Variants in PRDM2 observed in about 807,000 individuals in gnomAD.
PRDM2 encodes PR domain zinc finger protein 2.
Under a neutral mutation model 130.0 loss-of-function variants are expected in PRDM2, and 30 were observed. The ratio of observed to expected loss-of-function variants is 0.23; its 90% confidence interval spans 0.17 to 0.31. The LOEUF is 0.31. Ranked by LOEUF, PRDM2 falls within the 10% of genes least tolerant of loss-of-function variation. PRDM2 has a pLI of 1.00. For missense variants in PRDM2, 2,011 were observed against 2,108.4 expected (o/e 0.95, Z 0.90); for synonymous variants, 871 against 782.4 (o/e 1.11, Z -1.89).
chr1:13,762,342 A>T (rs1321376861), intron 6 of PRDM2, among the ~76,000 whole-genome samples: 1 of 152,236 alleles, frequency 6.6e-6, no homozygotes, highest in Non-Finnish European at 1.5e-5. Flanking sequence ...ACTTACCTTG[A>T]GGACCTACTA....
rs1039031111 is a variant in PRDM2, at chr1:13,782,059, T to C, written c.4264T>C (p.Leu1422=). The C allele has an allele frequency of 1.9e-6, 3 of 1,613,872 alleles. No homozygotes were observed. Among genetic ancestry groups the C allele is most frequent in the African/African-American group, 2.7e-5 (2 of 74,864 alleles). Residue 1422 remains leucine, a synonymous_variant, in exon 8 of 10, where the codon TTG becomes CTG. Transcript: ENST00000311066. The part of the protein sequence containing the change: ...MSSNKLKLNA[L]KKKNQLVQKA... ...GTCGAATAAGCTCAAATTAAATGCA[T>C]TGAAGAAAAAAAATCAGCTAGTACA... is the stretch of plus-strand genomic sequence containing the variant.
chr1:13,727,702 G>A (rs772211274), intron 2 of PRDM2, among the ~76,000 whole-genome samples: 2 of 152,186 alleles, frequency 1.3e-5, no homozygotes, highest in Non-Finnish European at 2.9e-5. Flanking sequence ...TGAGGCAAGC[G>A]TGCTGCCTAG....
intron 6 of PRDM2, among the ~76,000 whole-genome samples, chr1:13,764,404 T>C (rs1229101429): frequency 6.6e-6 from 1 of 152,186 alleles, no homozygotes; most frequent in Non-Finnish European, 1.5e-5. Context: ...CAGCATCTTG[T>C]TTATATTTAA....
At chr1:13,822,326 C>T (rs1000796280) in intron 9 of PRDM2, among the ~76,000 whole-genome samples, 3 of 152,114 alleles carry the variant, frequency 2.0e-5, no homozygotes, top group Non-Finnish European at 4.4e-5. Flanking sequence ...ACTCACATGG[C>T]ACCAAACTGG....
intron 8 of PRDM2, among the ~76,000 whole-genome samples, chr1:13,815,918 A>G (rs1439138282): frequency 6.6e-6 from 1 of 152,202 alleles, no homozygotes; most frequent in African/African-American, 2.4e-5. Flanking sequence ...AGCTGCCTCC[A>G]TTCCCCACAA....
intron 8 of PRDM2, among the ~76,000 whole-genome samples, chr1:13,783,663 G>T (rs115673334): frequency 1.8e-4 from 28 of 152,272 alleles, no homozygotes; most frequent in African/African-American, 6.3e-4. Flanking sequence ...AGAGGGCAGC[G>T]GTTAAATTTG....
chr1:13,786,837 GT>G, intron 8 of PRDM2: 6 of 1,145,652 alleles, frequency 5.2e-6, no homozygotes, highest in South Asian at 6.9e-5. Flanking sequence ...CATGGCCCTT[GT>G]TTTTGGCACG....
intron 7 of PRDM2, among the ~76,000 whole-genome samples, chr1:13,773,945 A>C (rs754298911): frequency 1.7e-4 from 26 of 152,248 alleles, no homozygotes; most frequent in Non-Finnish European, 3.2e-4. Context: ...TACGTTTTAT[A>C]CTTCAAATTA....
At position 13,781,426 on chromosome 1, in the gene PRDM2, C is replaced by T; in HGVS notation, c.3631C>T (p.Arg1211Ter). The part of the protein sequence containing the change: ...AFLCNLQQHQ[R>*]DLHPDKVCTH... ...TTTGTGCAATTTGCAGCAGCACCAGCGAGATCTCCACCCAGATAAGGTGTG... is the reference window on the plus strand; with the variant it reads ...TTTGTGCAATTTGCAGCAGCACCAGTGAGATCTCCACCCAGATAAGGTGTG... The change falls in exon 8 of 10, where the codon CGA becomes TGA. Residue 1211 changes from arginine (R) to a stop codon, truncating the protein, a stop_gained. Transcript: ENST00000311066. LOFTEE classifies it high-confidence loss of function. This position sits in a 1 kb window ranked among gnomAD's most constrained non-coding sequence, Gnocchi z 6.1. 6.2e-7 allele frequency: 1 copy of T among 1,614,008 alleles called. No individual in the cohort carries two copies. Among genetic ancestry groups the T allele is most frequent in the Non-Finnish European group, 8.5e-7 (1 of 1,180,036 alleles).
intron 8 of PRDM2, among the ~76,000 whole-genome samples, chr1:13,794,983 C>T (rs1334525026): frequency 6.6e-6 from 1 of 152,220 alleles, no homozygotes. Context: ...ATAGCAGATG[C>T]TCCCACCCAT....
chr1:13,808,442 C>G (rs1001204431), intron 8 of PRDM2, among the ~76,000 whole-genome samples: 7 of 134,594 alleles, frequency 5.2e-5, no homozygotes, highest in Non-Finnish European at 9.1e-5. Context: ...CCAGCCTGGG[C>G]GACAGAGTGA....
intron 5 of PRDM2, among the ~76,000 whole-genome samples, chr1:13,746,014 T>C (rs941487545): frequency 2.0e-5 from 3 of 152,202 alleles, no homozygotes; most frequent in Non-Finnish European, 4.4e-5. Flanking sequence ...TTTTCTAATA[T>C]TCCTTACCCA....
chr1:13,753,344 G>A (rs1014216322), intron 6 of PRDM2, among the ~76,000 whole-genome samples: 3 of 152,188 alleles, frequency 2.0e-5, no homozygotes, highest in South Asian at 2.1e-4. Flanking sequence ...CCTAAAAACC[G>A]TCAGTAGTGC....
In PRDM2 at chr1:13,780,092, C is replaced by T. The variant is rs1490787237; in HGVS notation, c.2297C>T (p.Ala766Val). Residue 766 changes from alanine (A) to valine (V), a missense_variant, in exon 8 of 10, where the codon GCC (alanine) becomes GTC (valine). Ala to Val is a moderately conservative substitution (Grantham distance 64). This residue lies in a region of PRDM2 where 1,288 missense variants were observed against 1,237.7 expected (regional missense o/e 1.04). Transcript: ENST00000311066. ...PSDGKAAWTD[A>V]GLTSKKSKLE... ...GATGGGAAAGCAGCATGGACCGATG[C>T]CGGGCTGACTTCCAAAAAATCCAAA... The T allele has an allele frequency of 4.3e-6, 7 of 1,613,172 alleles. No individual in the cohort carries two copies. In the Admixed American group the frequency reaches 1.2e-4, roughly 27 times the overall value.
At chr1:13,777,630 C>T (rs1158016529) in intron 7 of PRDM2, among the ~76,000 whole-genome samples, 2 of 12,210 alleles carry the variant, frequency 1.6e-4, no homozygotes, top group Non-Finnish European at 3.1e-4. Flanking sequence ...AGGGCTCCTC[C>T]TCCCACCCCC....
intron 6 of PRDM2, among the ~76,000 whole-genome samples, chr1:13,759,864 T>C (rs931552457): frequency 2.6e-5 from 4 of 152,192 alleles, no homozygotes; most frequent in African/African-American, 9.7e-5. Context: ...TCAATAATAA[T>C]AATAAATATC....
chr1:13,732,690 A>T, intron 3 of PRDM2, 89 bp from the exon 4 acceptor site: 1 of 921,146 alleles, frequency 1.1e-6, no homozygotes, highest in Non-Finnish European at 1.6e-6. Context: ...CTAGCCTTTT[A>T]ACTGTTTTGT....
chr1:13,821,571 T>TC (rs1645352609), intron 9 of PRDM2, among the ~76,000 whole-genome samples: 1 of 152,034 alleles, frequency 6.6e-6, no homozygotes, highest in African/African-American at 2.4e-5. Context: ...CAAGGGATTC[T>TC]CCTCCTTAGC....
intron 2 of PRDM2, among the ~76,000 whole-genome samples, chr1:13,726,191 T>G (rs1474758163): frequency 6.6e-6 from 1 of 152,254 alleles, no homozygotes; most frequent in African/African-American, 2.4e-5. Context: ...TTGTGATTGT[T>G]ACTGTTGTGA....
Sources: gnomAD v4.1 joint callset for allele counts (sites outside exome capture counted in the v4.1 genomes callset) on GRCh38, gnomAD v4.1.1 for gene constraint, gnomAD v4.1.1 regional missense constraint, Gnocchi (gnomAD v3.1) non-coding constraint, MANE v1.5 for transcripts, NCBI Gene and HGNC (gene_info 2026-07-23, HGNC 2026-07-21) for gene names.